The following CNTN3 variants were observed in gnomAD, a reference collection of about 807,000 sequenced individuals.
The protein encoded by CNTN3 is contactin-3.
A neutral mutation model predicts 119.1 loss-of-function variants in CNTN3; 60 were observed. The observed-to-expected ratio is 0.50, with a 90% CI of 0.41 to 0.62. CNTN3 has a LOEUF of 0.62. CNTN3 is among the 20% of genes least tolerant of loss of function. CNTN3 has a pLI of 0.00. For synonymous variants in CNTN3, 450 were observed against 438.7 expected, an observed-to-expected ratio of 1.03 and a Z score of -0.32; for missense variants, 1,101 against 1,242.4, an observed-to-expected ratio of 0.89 and a Z score of 1.71.
intron 1 of CNTN3, among the ~76,000 whole-genome samples, chr3:74,552,944 T>C (rs902237605): frequency 1.3e-5 from 2 of 152,196 alleles, no homozygotes; most frequent in Non-Finnish European, 1.5e-5. Context: ...CTCCTTTCTT[T>C]TTTTAATTGT....
At chr3:74,399,634 T>TA (rs1242308368) in intron 5 of CNTN3, among the ~76,000 whole-genome samples, 1 of 152,194 alleles carries the variant, frequency 6.6e-6, no homozygotes, top group African/African-American at 2.4e-5. Context: ...CAGAATGATT[T>TA]ATATTCCTTT....
chr3:74,372,314 T>C lies in CNTN3; in HGVS notation c.455-915A>G, dbSNP rs145412645. 1.0e-3 allele frequency among the ~76,000 whole-genome samples: 159 copies of C among 152,280 alleles called. 5 individuals are homozygous for C. In the East Asian group the frequency reaches 0.03, roughly 28 times the overall value. Reference sequence around the variant, plus strand: ...CAATTATGCTACTGACTAACATCTATGTAAAGTACAGTATGAGAGTTTTCT... The same window carrying C: ...CAATTATGCTACTGACTAACATCTACGTAAAGTACAGTATGAGAGTTTTCT... On this transcript the variant is annotated intron_variant, in intron 5 of 22. Coordinates refer to ENST00000263665, the MANE Select transcript of CNTN3 (RefSeq NM_020872.3).
At chr3:74,499,241 C>A (rs542645472) in intron 3 of CNTN3, among the ~76,000 whole-genome samples, 1 of 151,952 alleles carries the variant, frequency 6.6e-6, no homozygotes, top group Non-Finnish European at 1.5e-5. Flanking sequence ...TTCTTCCTTA[C>A]TTATTGAACC....
intron 11 of CNTN3, among the ~76,000 whole-genome samples, chr3:74,355,907 A>G (rs765856993): frequency 2.6e-5 from 4 of 151,950 alleles, no homozygotes; most frequent in Non-Finnish European, 4.4e-5. Flanking sequence ...CTACTGCCCA[A>G]TTCTCTCTGA....
At chr3:74,421,240 C>A (rs1473006190) in intron 5 of CNTN3, among the ~76,000 whole-genome samples, 1 of 151,934 alleles carries the variant, frequency 6.6e-6, no homozygotes, top group African/African-American at 2.4e-5. Flanking sequence ...GTATGATCAG[C>A]TCACTGCAAC....
chr3:74,505,010 C>A (rs1703229469), intron 2 of CNTN3, among the ~76,000 whole-genome samples: 1 of 151,998 alleles, frequency 6.6e-6, no homozygotes, highest in Non-Finnish European at 1.5e-5. Context: ...CTGTTCCAGA[C>A]CTCTCTGCTT....
intron 5 of CNTN3, among the ~76,000 whole-genome samples, chr3:74,395,627 T>C (rs1705028445): frequency 6.6e-6 from 1 of 152,226 alleles, no homozygotes. Flanking sequence ...AGTGGGATAA[T>C]ACTCCTTATT....
intron 5 of CNTN3, among the ~76,000 whole-genome samples, chr3:74,375,888 G>A (rs957171778): frequency 2.0e-5 from 3 of 152,180 alleles, no homozygotes; most frequent in African/African-American, 4.8e-5. Context: ...AAGAGCAATA[G>A]GGAAGTAATG....
intron 4 of CNTN3, among the ~76,000 whole-genome samples, chr3:74,453,193 C>T (rs1157957316): frequency 6.6e-6 from 1 of 151,904 alleles, no homozygotes; most frequent in Admixed American, 6.6e-5. Flanking sequence ...ACAATTTCAG[C>T]TCCTGTTATT....
At chr3:74,528,646 T>C (rs562028791) in intron 1 of CNTN3, among the ~76,000 whole-genome samples, 1 of 151,914 alleles carries the variant, frequency 6.6e-6, no homozygotes, top group African/African-American at 2.4e-5. Context: ...AGAAACTGTG[T>C]ACTTACAACC....
chr3:74,610,448 A>G (rs1178304843), intron 1 of CNTN3, among the ~76,000 whole-genome samples: 3 of 152,194 alleles, frequency 2.0e-5, no homozygotes, highest in African/African-American at 7.2e-5. Context: ...TCCCTAACAT[A>G]GGAAAGAGCT....
chr3:74,463,464 A>G (rs1169811968), intron 4 of CNTN3, among the ~76,000 whole-genome samples: 1 of 152,014 alleles, frequency 6.6e-6, no homozygotes, highest in Non-Finnish European at 1.5e-5. Context: ...TGCTGTTAGA[A>G]TCCATGGTTC....
intron 4 of CNTN3, among the ~76,000 whole-genome samples, chr3:74,455,403 T>C (rs1281635612): frequency 6.6e-5 from 10 of 150,562 alleles, no homozygotes; most frequent in Non-Finnish European, 1.2e-4. Context: ...TATACATTCG[T>C]CTAAATTTTT....
At chr3:74,579,882 A>G (rs1380010670) in intron 1 of CNTN3, among the ~76,000 whole-genome samples, 1 of 152,184 alleles carries the variant, frequency 6.6e-6, no homozygotes, top group East Asian at 1.9e-4. Flanking sequence ...CTTAAAATAT[A>G]TGTAACAAAC....
chr3:74,381,200 T>C (rs956302803), intron 5 of CNTN3, among the ~76,000 whole-genome samples: 7 of 151,990 alleles, frequency 4.6e-5, no homozygotes, highest in African/African-American at 1.5e-4. Flanking sequence ...ACCCTTATCT[T>C]AAAAGGAATC....
intron 20 of CNTN3, 184 bp from the exon 21 acceptor site, chr3:74,267,562 G>A (rs1236199500): frequency 1.2e-5 from 6 of 499,850 alleles, no homozygotes; most frequent in South Asian, 6.4e-5. Flanking sequence ...TTTTAGAAAG[G>A]CATTTCATTC....
intron 19 of CNTN3, among the ~76,000 whole-genome samples, chr3:74,294,752 GCCA>G (rs1017730078): frequency 1.1e-4 from 16 of 152,060 alleles, no homozygotes; most frequent in Non-Finnish European, 2.4e-4. Context: ...ATGTAACAAA[GCCA>G]CCAAGAAAGT....
chr3:74,291,315 G>A (rs1702225938), intron 19 of CNTN3, among the ~76,000 whole-genome samples: 2 of 152,106 alleles, frequency 1.3e-5, no homozygotes, highest in South Asian at 4.1e-4. Flanking sequence ...GGACATTTGG[G>A]TTGGTTCCAA....
chr3:74,505,871 A>C (rs1214401314), intron 2 of CNTN3, among the ~76,000 whole-genome samples: 1 of 152,150 alleles, frequency 6.6e-6, no homozygotes, highest in African/African-American at 2.4e-5. Flanking sequence ...AACACCAATA[A>C]AAGTGATGAA....
Sources: gnomAD v4.1 joint callset for allele counts (sites outside exome capture counted in the v4.1 genomes callset) on GRCh38, gnomAD v4.1.1 for gene constraint, MANE v1.5 for transcripts, NCBI Gene and HGNC (gene_info 2026-07-23, HGNC 2026-07-21) for gene names.